Variants in OLFM4 observed in about 807,000 individuals in gnomAD.
The protein encoded by OLFM4 is olfactomedin-4.
OLFM4 carries 22 observed loss-of-function variants against 25.5 expected under a neutral mutation model. That is an observed-to-expected ratio of 0.86 (90% CI 0.62 to 1.23). The LOEUF is 1.23. Ranked by LOEUF, OLFM4 falls within the 50% of genes most tolerant of loss-of-function variation. The pLI, the probability that OLFM4 is intolerant of heterozygous loss-of-function variation, is 0.00. For synonymous variants in OLFM4, 255 were observed against 237.7 expected (o/e 1.07, Z -0.67); for missense variants, 594 against 619.4 (o/e 0.96, Z 0.44).
At chr13:53,040,889 G>C (rs544937295) in intron 2 of OLFM4, among the ~76,000 whole-genome samples, 1 of 152,108 alleles carries the variant, frequency 6.6e-6, no homozygotes, top group Non-Finnish European at 1.5e-5. Flanking sequence ...AATATCACTT[G>C]ATCATTAGAG....
chr13:53,042,401 G>A (rs1954692602), intron 3 of OLFM4, among the ~76,000 whole-genome samples: 1 of 152,196 alleles, frequency 6.6e-6, no homozygotes, highest in Non-Finnish European at 1.5e-5. Context: ...CTGAAAAGGA[G>A]CTGGCATAAA....
At chr13:53,045,250 C>T (rs1052297621) in intron 4 of OLFM4, among the ~76,000 whole-genome samples, 30 of 152,096 alleles carry the variant, frequency 2.0e-4, no homozygotes, top group African/African-American at 7.2e-4. Flanking sequence ...CAGAACTTTC[C>T]CCTAGGCCCT....
In OLFM4 at chr13:53,043,155, C is replaced by A; in HGVS notation, c.621C>A (p.Asn207Lys). The change falls in exon 4 of 5, where the codon AAC (asparagine) becomes AAA (lysine). Residue 207 changes from asparagine to lysine, a missense_variant. By Grantham distance (94) the Asn-to-Lys change is moderately conservative (BLOSUM62 0). Coordinates refer to ENST00000219022, the MANE Select transcript of OLFM4 (RefSeq NM_006418.5). ...AGAAGCTTGAGACACTAGACAAAAA[C>A]AATGTCCTTGCCATTCGCCGAGAAA... ...LVEKLETLDK[N>K]NVLAIRREIV... 1 of 1,612,972 alleles carries A rather than the reference C, an allele frequency of 6.2e-7. No homozygotes were observed. Among genetic ancestry groups the A allele is most frequent in the Non-Finnish European group, 8.5e-7 (1 of 1,179,516 alleles).
chr13:53,043,026 A>G (rs1954695477), intron 3 of OLFM4, 79 bp from the exon 4 acceptor site: 2 of 1,122,110 alleles, frequency 1.8e-6, no homozygotes, highest in East Asian at 5.0e-5. Flanking sequence ...GTTTCACTAA[A>G]TGACAAATTC....
intron 2 of OLFM4, among the ~76,000 whole-genome samples, chr13:53,037,220 G>A (rs1312210129): frequency 6.6e-6 from 1 of 152,196 alleles, no homozygotes; most frequent in Non-Finnish European, 1.5e-5. Context: ...GATGCTGAAA[G>A]CATTTTATAC....
Position 53,050,277 on chromosome 13 carries a change from A to G in OLFM4, c.1039A>G (p.Asn347Asp), listed in dbSNP as rs146569881. 11 of 1,614,066 alleles carry G rather than the reference A, an allele frequency of 6.8e-6. No homozygotes were observed. The highest frequency in any genetic ancestry group is 1.7e-4 in the Middle Eastern group (1 of 6,058). Reference protein sequence around the residue: ...NMYVNMYNTGNIARVNLTTNT... With the variant: ...NMYVNMYNTGDIARVNLTTNT... ...GTACGTCAACATGTACAACACCGGGAATATTGCCAGAGTTAACCTGACCAC... is the reference window on the plus strand; with the variant it reads ...GTACGTCAACATGTACAACACCGGGGATATTGCCAGAGTTAACCTGACCAC... The change falls in exon 5 of 5, where the codon AAT becomes GAT. Residue 347 changes from asparagine (N) to aspartate (D), a missense_variant. Physicochemically the swap from Asn to Asp is conservative, Grantham distance 23. Coordinates refer to ENST00000219022, the MANE Select transcript of OLFM4 (RefSeq NM_006418.5).
At chr13:53,032,254 A>T (rs923631291) in intron 1 of OLFM4, among the ~76,000 whole-genome samples, 8 of 152,178 alleles carry the variant, frequency 5.3e-5, no homozygotes, top group African/African-American at 1.9e-4. Context: ...CTGTTTTCTG[A>T]GTTGGCAGAA....
In OLFM4 at chr13:53,028,867, C is replaced by CT; in HGVS notation, c.33dup (p.Leu12SerfsTer30). 6.2e-7 allele frequency: 1 copy of CT among 1,614,236 alleles called. No homozygotes were observed. Among genetic ancestry groups the CT allele is most frequent in the African/African-American group, 1.3e-5 (1 of 75,064 alleles). ...GCCCGGCCTCTCATTTCTCCTAGCC[C>CT]TTCTGTTCTTCCTTGGCCAAGCTGC... On this transcript the variant is annotated frameshift_variant, in exon 1 of 5. Transcript: ENST00000219022. LOFTEE classifies it high-confidence loss of function.
chr13:53,030,460 G>A (rs1184499089), intron 1 of OLFM4, among the ~76,000 whole-genome samples: 3 of 151,952 alleles, frequency 2.0e-5, no homozygotes, highest in African/African-American at 4.8e-5. Flanking sequence ...CCGCCACCAC[G>A]CCTGGCTAAT....
intron 4 of OLFM4, among the ~76,000 whole-genome samples, chr13:53,046,457 T>C (rs1954716615): frequency 6.6e-6 from 1 of 152,214 alleles, no homozygotes; most frequent in African/African-American, 2.4e-5. Context: ...CAAATTATGT[T>C]CCATGGAGTA....
At chr13:53,045,972 G>A (rs562083061) in intron 4 of OLFM4, among the ~76,000 whole-genome samples, 1 of 152,240 alleles carries the variant, frequency 6.6e-6, no homozygotes, top group Admixed American at 6.5e-5. Context: ...GCTTGGGGAT[G>A]CAAGGTTCTG....
chr13:53,040,109 G>A, intron 2 of OLFM4, among the ~76,000 whole-genome samples: 1 of 152,126 alleles, frequency 6.6e-6, no homozygotes, highest in South Asian at 2.1e-4. Context: ...AGCATATAAA[G>A]CCAGCAACTT....
intron 1 of OLFM4, among the ~76,000 whole-genome samples, 155 bp from the exon 2 acceptor site, chr13:53,034,192 AG>A (rs1268363450): frequency 6.6e-6 from 1 of 152,152 alleles, no homozygotes; most frequent in Non-Finnish European, 1.5e-5. Context: ...GTGAAAACAA[AG>A]CTGTTTTAGC....
chr13:53,046,095 T>C (rs1032556702), intron 4 of OLFM4, among the ~76,000 whole-genome samples: 1 of 152,212 alleles, frequency 6.6e-6, no homozygotes, highest in African/African-American at 2.4e-5. Flanking sequence ...TTGAACAGCA[T>C]ATATCCAACA....
In OLFM4 at chr13:53,051,381, A is replaced by G. The variant is rs1358737063; in HGVS notation, c.*610A>G. 1.3e-5 allele frequency: 2 copies of G among 152,134 alleles called. No individual in the cohort carries two copies. Among genetic ancestry groups the G allele is most frequent in the African/African-American group, 4.8e-5 (2 of 41,436 alleles). 9.4% of individuals were successfully genotyped at this position (152,134 alleles called of 1,614,324 possible). ...GGAGAGAGGCCTTTTTATGCATTAA[A>G]TTGTACATGGCAAATAAATCCCAGA... On this transcript the variant is annotated 3_prime_UTR_variant, in exon 5 of 5. Coordinates refer to ENST00000219022, the MANE Select transcript of OLFM4 (RefSeq NM_006418.5).
chr13:53,050,146 A>G lies in OLFM4; in HGVS notation c.908A>G (p.Tyr303Cys). The G allele has an allele frequency of 6.2e-7, 1 of 1,614,026 alleles. No individual in the cohort carries two copies. Among genetic ancestry groups the G allele is most frequent in the Non-Finnish European group, 8.5e-7 (1 of 1,179,942 alleles). Residue 303 changes from tyrosine to cysteine, a missense_variant, in exon 5 of 5, where the codon TAT becomes TGT. Coordinates refer to ENST00000219022, the MANE Select transcript of OLFM4 (RefSeq NM_006418.5). Reference protein sequence around the residue: ...LNTDGRLLEYYRLYNTLDDLL... With the variant: ...LNTDGRLLEYCRLYNTLDDLL... ...ACAGATGGGAGACTGTTGGAGTATT[A>G]TAGACTGTACAACACACTGGATGAT...
rs745936725 is a variant in OLFM4 at position 53,042,107 on chromosome 13, C to G, written c.555C>G (p.Asp185Glu). Residue 185 changes from aspartate to glutamate, a missense_variant, in exon 3 of 5, where the codon GAC becomes GAG. Transcript: ENST00000219022. ...TTGGTGGAAGCTCAGAAATTGTTGA[C>G]CAGCTGGAGGTGGAGGTAAGGAGTG... Reference protein sequence around the residue: ...ESFGGSSEIVDQLEVEIRNMT... With the variant: ...ESFGGSSEIVEQLEVEIRNMT... 1 of 1,613,498 alleles carries G rather than the reference C, an allele frequency of 6.2e-7. No homozygotes were observed. Among genetic ancestry groups the G allele is most frequent in the Admixed American group, 1.7e-5 (1 of 59,918 alleles).
At position 53,052,045 on chromosome 13, in the gene OLFM4, T is replaced by C. The variant is rs938477631; in HGVS notation, c.*1274T>C. The C allele has an allele frequency of 6.6e-6, 1 of 152,222 alleles. No homozygotes were observed. Among genetic ancestry groups the C allele is most frequent in the African/African-American group, 2.4e-5 (1 of 41,462 alleles). The allele number at this position is 152,222 out of a possible 1,614,324, so 9.4% of individuals were successfully genotyped here. On this transcript the variant is annotated 3_prime_UTR_variant, in exon 5 of 5. Transcript: ENST00000219022. ...CCTTTTAAAATAAATGATTAAAATG[T>C]GCTTTGAAAAAAGTCATCTTTTGTT...
intron 2 of OLFM4, among the ~76,000 whole-genome samples, chr13:53,037,899 A>G (rs1954666886): frequency 6.6e-6 from 1 of 152,220 alleles, no homozygotes; most frequent in Non-Finnish European, 1.5e-5. Context: ...TGCTAGCACT[A>G]CACCCTTATT....
Sources: allele counts gnomAD v4.1 joint callset (sites outside exome capture counted in the v4.1 genomes callset), GRCh38; gene constraint gnomAD v4.1.1; transcripts MANE v1.5; gene names NCBI Gene and HGNC (gene_info 2026-07-23, HGNC 2026-07-21).